ANTXR2: variants seen among roughly 807,000 people sequenced by gnomAD.
The protein encoded by ANTXR2 is ANTXR cell adhesion molecule 2.
In ANTXR2, 44 loss-of-function variants were observed where a neutral mutation model predicts 73.7. That is an observed-to-expected ratio of 0.60 (90% CI 0.47 to 0.77). The LOEUF is 0.77. Among genes scored for constraint, ANTXR2 ranks in the 30% least tolerant of loss-of-function variants. The pLI is 0.00. For missense variants in ANTXR2, 604 were observed against 592.5 expected, an observed-to-expected ratio of 1.02 and a Z score of -0.20; for synonymous variants, 217 against 205.9, an observed-to-expected ratio of 1.05 and a Z score of -0.46.
At chr4:80,025,422 A>G (rs1357298333) in intron 10 of ANTXR2, among the ~76,000 whole-genome samples, 1 of 152,220 alleles carries the variant, frequency 6.6e-6, no homozygotes, top group Non-Finnish European at 1.5e-5. Flanking sequence ...CTGACTTTAT[A>G]TATATCCAAT....
Position 80,008,648 on chromosome 4 carries a change from T to A in ANTXR2, c.946-32A>T, listed in dbSNP as rs760170764. 2.8e-6 allele frequency: 4 copies of A among 1,430,024 alleles called. No homozygotes were observed. The South Asian group carries it at 5.3e-5, about 19-fold the overall frequency. The allele number at this position is 1,430,024 out of a possible 1,614,324, so 88.6% of individuals were successfully genotyped here. On this transcript the variant is annotated intron_variant, in intron 11 of 16. Coordinates refer to ENST00000403729, the MANE Select transcript of ANTXR2 (RefSeq NM_058172.6). ...TAGGCAAAAAGCAAAAACAAAGCAG[T>A]CAGCACAGCTTATGGTCAAATTCCA...
At chr4:79,978,614 G>A (rs1284360904) in intron 14 of ANTXR2, among the ~76,000 whole-genome samples, 3 of 152,190 alleles carry the variant, frequency 2.0e-5, no homozygotes, top group Admixed American at 1.3e-4. Flanking sequence ...ATTACTATGT[G>A]TCAGTCTGCA....
chr4:79,953,039 T>G (rs1728763092), intron 16 of ANTXR2, among the ~76,000 whole-genome samples: 1 of 152,098 alleles, frequency 6.6e-6, no homozygotes, highest in Non-Finnish European at 1.5e-5. Flanking sequence ...GGCCCCTCCA[T>G]GTGAAATAGG....
Position 80,058,871 on chromosome 4 carries a change from T to C in ANTXR2, c.297-2858A>G, listed in dbSNP as rs78462523. On this transcript the variant is annotated intron_variant, in intron 3 of 16. Transcript: ENST00000403729. ...CAATATTGAAACTACTTTGTATTTG[T>C]TGTGAAGCAGTTGTCAAGGATGCTG... 9.3e-3 allele frequency among the ~76,000 whole-genome samples: 1,422 copies of C among 152,244 alleles called. 11 individuals carry two copies. The highest frequency in any genetic ancestry group is 0.014 in the South Asian group (66 of 4,824).
chr4:80,039,674 A>G (rs1733142894), intron 7 of ANTXR2, among the ~76,000 whole-genome samples: 1 of 152,150 alleles, frequency 6.6e-6, no homozygotes, highest in African/African-American at 2.4e-5. Context: ...GAATGTTTAT[A>G]CACTGCTAGT....
At chr4:80,025,315 A>G (rs1732375342) in intron 10 of ANTXR2, among the ~76,000 whole-genome samples, 2 of 152,192 alleles carry the variant, frequency 1.3e-5, no homozygotes, top group African/African-American at 4.8e-5. Context: ...TCAGTGCCAT[A>G]TGTCATAGCT....
intron 16 of ANTXR2, among the ~76,000 whole-genome samples, chr4:79,912,235 AT>A (rs1287060034): frequency 6.6e-6 from 1 of 151,976 alleles, no homozygotes; most frequent in Non-Finnish European, 1.5e-5. Flanking sequence ...TTTAAAGTAC[AT>A]TAATTTAGAA....
chr4:79,912,366 A>G (rs1373877039), intron 16 of ANTXR2, among the ~76,000 whole-genome samples: 1 of 152,048 alleles, frequency 6.6e-6, no homozygotes, highest in Non-Finnish European at 1.5e-5. Flanking sequence ...AAATTTGTAT[A>G]GCATATAAGA....
At chr4:79,996,073 A>G (rs1342377122) in intron 12 of ANTXR2, among the ~76,000 whole-genome samples, 3 of 151,980 alleles carry the variant, frequency 2.0e-5, no homozygotes, top group African/African-American at 7.2e-5. Flanking sequence ...TTTAAATATA[A>G]GGAGAGGAAA....
At chr4:80,067,577 G>T (rs1194453136) in intron 3 of ANTXR2, among the ~76,000 whole-genome samples, 2 of 152,180 alleles carry the variant, frequency 1.3e-5, no homozygotes, top group South Asian at 4.1e-4. Flanking sequence ...TGGAAATTAA[G>T]CTGGGCAATG....
intron 16 of ANTXR2, among the ~76,000 whole-genome samples, chr4:79,950,739 A>G (rs1208381702): frequency 6.6e-6 from 1 of 152,334 alleles, no homozygotes; most frequent in East Asian, 1.9e-4. Context: ...AGTTTGAATG[A>G]TCAAAAAAGC....
intron 3 of ANTXR2, among the ~76,000 whole-genome samples, chr4:80,058,801 C>T (rs1734116678): frequency 6.6e-6 from 1 of 152,068 alleles, no homozygotes; most frequent in African/African-American, 2.4e-5. Flanking sequence ...AGATCAGCTT[C>T]ACTGAGTTTG....
chr4:80,055,119 G>C, intron 6 of ANTXR2, 31 bp downstream of exon 6: 1 of 1,523,946 alleles, frequency 6.6e-7, no homozygotes, highest in Non-Finnish European at 8.9e-7. Flanking sequence ...ATGTGGTTCA[G>C]ATTAAAGTTT....
intron 16 of ANTXR2, among the ~76,000 whole-genome samples, chr4:79,922,490 A>C (rs949108765): frequency 6.6e-6 from 1 of 152,112 alleles, no homozygotes; most frequent in Admixed American, 6.6e-5. Flanking sequence ...TTAATCCCTA[A>C]AATGAAAAAT....
intron 15 of ANTXR2, 108 bp from the exon 16 acceptor site, chr4:79,977,809 T>A (rs903430329): frequency 4.7e-6 from 6 of 1,287,396 alleles, no homozygotes; most frequent in Non-Finnish European, 6.4e-6. Flanking sequence ...TACCCTCATT[T>A]CTTTCATAAG....
At chr4:80,060,598 A>G (rs930663507) in intron 3 of ANTXR2, among the ~76,000 whole-genome samples, 5 of 152,164 alleles carry the variant, frequency 3.3e-5, no homozygotes, top group Admixed American at 6.6e-5. Context: ...AGGAATATAA[A>G]TATCTCCCCC....
chr4:79,978,472 T>C (rs1269422097), intron 14 of ANTXR2, among the ~76,000 whole-genome samples: 1 of 152,220 alleles, frequency 6.6e-6, no homozygotes, highest in Non-Finnish European at 1.5e-5. Flanking sequence ...GGTTTACATA[T>C]GAAATGCATG....
chr4:79,988,669 T>C (rs954948168), intron 12 of ANTXR2, among the ~76,000 whole-genome samples: 2 of 151,418 alleles, frequency 1.3e-5, no homozygotes, highest in African/African-American at 4.8e-5. Flanking sequence ...ATCAACAGAA[T>C]ACCCAACAAC....
intron 16 of ANTXR2, among the ~76,000 whole-genome samples, chr4:79,960,709 T>G (rs1729108879): frequency 6.6e-6 from 1 of 151,974 alleles, no homozygotes; most frequent in South Asian, 2.1e-4. Context: ...CTCAAAATTA[T>G]ATCAGTTTCA....
Sources: gnomAD v4.1 joint callset for allele counts (sites outside exome capture counted in the v4.1 genomes callset) on GRCh38, gnomAD v4.1.1 for gene constraint, MANE v1.5 for transcripts, NCBI Gene and HGNC (gene_info 2026-07-23, HGNC 2026-07-21) for gene names.